Variants in PAXBP1 observed in about 807,000 individuals in gnomAD.
The protein encoded by PAXBP1 is PAX3- and PAX7-binding protein 1.
Under a neutral mutation model 119.9 loss-of-function variants are expected in PAXBP1, and 44 were observed. The ratio of observed to expected loss-of-function variants is 0.37; its 90% CI spans 0.29 to 0.47. PAXBP1 has a LOEUF of 0.47. Among genes scored for constraint, PAXBP1 ranks in the 20% least tolerant of loss-of-function variants. The probability of loss-of-function intolerance (pLI) is 0.99; values close to 1 mark genes in which losing one functional copy is unlikely to be tolerated. For missense variants in PAXBP1, 898 were observed against 1,134.1 expected (o/e 0.79, Z 2.99); for synonymous variants, 393 against 406.6 (o/e 0.97, Z 0.40).
At chr21:32,748,976 T>C (rs74800737) in intron 10 of PAXBP1, among the ~76,000 whole-genome samples, 271 of 152,322 alleles carry the variant, frequency 1.8e-3, no homozygotes, top group Middle Eastern at 6.8e-3. Context: ...CCAAACAAGA[T>C]GGTTCAAATT....
chr21:32,761,005 TA>T, intron 5 of PAXBP1, 53 bp downstream of exon 5: 1 of 1,481,360 alleles, frequency 6.8e-7, no homozygotes, highest in Non-Finnish European at 9.2e-7. Context: ...TTTAACAAAA[TA>T]AAAAAGGCTT....
chr21:32,771,547 T>C lies in PAXBP1; in HGVS notation c.122A>G (p.Glu41Gly). 2 of 1,401,158 alleles carry C rather than the reference T, an allele frequency of 1.4e-6. No homozygotes were observed. The highest frequency in any genetic ancestry group is 1.5e-5 in the South Asian group (1 of 67,172). 86.8% of individuals were successfully genotyped at this position (1,401,158 alleles called of 1,614,324 possible). A position where few individuals can be genotyped will look rare whatever the true frequency, so the allele number is the denominator to read the frequency against. ...CCTGTCGCCGCCACCGGGGCCCGCC[T>C]CTTCGCCCGTGCCCGGCGGCGGCAA... ...PLLPPPGTGEEAGPGGGDRAP... is the reference protein window; with the variant it reads ...PLLPPPGTGEGAGPGGGDRAP... The change falls in exon 1 of 18, where the codon GAG becomes GGG. Residue 41 changes from glutamate (E) to glycine (G), a missense_variant. Glu to Gly is a moderately conservative substitution (Grantham distance 98). Coordinates refer to ENST00000331923, the MANE Select transcript of PAXBP1 (RefSeq NM_016631.4).
chr21:32,742,521 G>A (rs2043802751), intron 15 of PAXBP1: 1 of 152,458 alleles, frequency 6.6e-6, no homozygotes, highest in Admixed American at 6.5e-5. Context: ...CAAGGTCTCT[G>A]TGCCCCTTGT....
At position 32,764,354 on chromosome 21, in the gene PAXBP1, G is replaced by C; in HGVS notation, c.643C>G (p.Arg215Gly). 4.3e-6 allele frequency: 7 copies of C among 1,613,604 alleles called. No homozygotes were observed. Among genetic ancestry groups the C allele is most frequent in the Non-Finnish European group, 5.9e-6 (7 of 1,179,802 alleles). Residue 215 changes from arginine to glycine, a missense_variant, in exon 3 of 18, where the codon CGT becomes GGT. This residue lies in a region of PAXBP1 where 599 missense variants were observed against 852.7 expected (regional missense o/e 0.70). Coordinates refer to ENST00000331923, the MANE Select transcript of PAXBP1 (RefSeq NM_016631.4). ...SNALSSLNVL[R>G]PGEIPDAAFI... ...AATACTTTTGAGTACACACCTGGAC[G>C]AAGAACATTCAATGAAGATAAAGCA...
At position 32,740,301 on chromosome 21, in the gene PAXBP1, T is replaced by C. The variant is rs185634519; in HGVS notation, c.2335-1982A>G. ...TCTCCACCTTTCTGGATGGAACTAATGTATTTCTTACATATTGATTGATGT... is the reference window on the plus strand; with the variant it reads ...TCTCCACCTTTCTGGATGGAACTAACGTATTTCTTACATATTGATTGATGT... On this transcript the variant is annotated intron_variant, in intron 15 of 17. Coordinates refer to ENST00000331923, the MANE Select transcript of PAXBP1 (RefSeq NM_016631.4). Among the ~76,000 whole-genome samples the C allele has an allele frequency of 8.6e-4, 131 of 152,360 alleles. 2 individuals carry two copies. Among genetic ancestry groups the C allele is most frequent in the Admixed American group, 8.0e-3 (123 of 15,304 alleles).
At chr21:32,739,873 G>A (rs1761468364) in intron 15 of PAXBP1, among the ~76,000 whole-genome samples, 1 of 138,742 alleles carries the variant, frequency 7.2e-6, no homozygotes, top group African/African-American at 2.7e-5. Context: ...GGGAGGCCAA[G>A]GAAGGAGGAC....
chr21:32,761,231 G>T, intron 4 of PAXBP1, 69 bp from the exon 5 acceptor site: 1 of 1,181,286 alleles, frequency 8.5e-7, no homozygotes, highest in Non-Finnish European at 1.3e-6. Context: ...ATGCTGTCCT[G>T]ACATTTCACA....
chr21:32,744,700 T>A (rs182456360), intron 13 of PAXBP1, 92 bp downstream of exon 13: 7 of 1,264,272 alleles, frequency 5.5e-6, no homozygotes, highest in African/African-American at 1.6e-5. Flanking sequence ...AGATTTCTGA[T>A]TGGTTTAGGA....
chr21:32,770,077 T>G (rs1238433119), intron 1 of PAXBP1, 135 bp from the exon 2 acceptor site: 3 of 639,594 alleles, frequency 4.7e-6, no homozygotes, highest in Non-Finnish European at 7.4e-6. Context: ...GTATAATTAT[T>G]TCAAGTCTGT....
chr21:32,769,327 T>G (rs967532909), intron 2 of PAXBP1, among the ~76,000 whole-genome samples: 1 of 152,090 alleles, frequency 6.6e-6, no homozygotes, highest in East Asian at 1.9e-4. Context: ...TTCTAAGGAG[T>G]CTTCATCTAG....
Position 32,766,569 on chromosome 21 carries a change from T to C in PAXBP1, c.473-2045A>G, listed in dbSNP as rs534612192. Among the ~76,000 whole-genome samples, 6 of 152,310 alleles carry C rather than the reference T, an allele frequency of 3.9e-5. No individual in the cohort carries two copies. The South Asian group carries it at 6.2e-4, about 16-fold the overall frequency. Reference sequence around the variant, plus strand: ...TTGACTCCATTGGTCCCTCTAGTTATTGCCTAGTCTCTCTCTGCCAAACTT... The same window carrying C: ...TTGACTCCATTGGTCCCTCTAGTTACTGCCTAGTCTCTCTCTGCCAAACTT... On this transcript the variant is annotated intron_variant, in intron 2 of 17. Transcript: ENST00000331923.
chr21:32,758,643 G>GT (rs2044082336), intron 7 of PAXBP1, among the ~76,000 whole-genome samples: 2 of 90,162 alleles, frequency 2.2e-5, no homozygotes, highest in South Asian at 3.5e-4. Flanking sequence ...ATCATCCAGG[G>GT]TAAAAAAAAA....
intron 6 of PAXBP1, 143 bp downstream of exon 6, chr21:32,759,634 A>G: frequency 1.3e-6 from 1 of 742,536 alleles, no homozygotes; most frequent in Non-Finnish European, 2.2e-6. Flanking sequence ...AGAACAAAGT[A>G]TGAAGTCATC....
chr21:32,764,400 C>T lies in PAXBP1; in HGVS notation c.597G>A (p.Lys199=). Residue 199 remains lysine (K), a synonymous_variant, in exon 3 of 18, where the codon AAG becomes AAA. Transcript: ENST00000331923. The part of the protein sequence containing the change: ...MESEKEEEKP[K]TGGAFSNALS... Reference sequence around the variant, plus strand: ...AAGCATTTGAAAAAGCTCCACCAGTCTTTGGCTTTTCTTCCTCTTTTTCAC... The same window carrying T: ...AAGCATTTGAAAAAGCTCCACCAGTTTTTGGCTTTTCTTCCTCTTTTTCAC... 1 of 1,613,846 alleles carries T rather than the reference C, an allele frequency of 6.2e-7. No individual in the cohort carries two copies. Among genetic ancestry groups the T allele is most frequent in the African/African-American group, 1.3e-5 (1 of 75,044 alleles).
At chr21:32,752,550 G>A (rs964520945) in intron 8 of PAXBP1, among the ~76,000 whole-genome samples, 2 of 152,164 alleles carry the variant, frequency 1.3e-5, no homozygotes, top group Non-Finnish European at 2.9e-5. Flanking sequence ...TATCAACAGA[G>A]ATGTGTCACC....
chr21:32,757,610 T>C (rs975851053), intron 7 of PAXBP1, among the ~76,000 whole-genome samples: 4 of 152,206 alleles, frequency 2.6e-5, no homozygotes, highest in African/African-American at 7.2e-5. Flanking sequence ...ATCTAGCTGA[T>C]CATATTACTG....
rs763524790 is a variant in PAXBP1, at chr21:32,771,396, C to T, written c.273G>A (p.Pro91=). Reference sequence around the variant, plus strand: ...CTTTGTTCTCGCGAGGCCTCTTGCGCGGCTTCAGCCCGTTGCCGGGCTCCG... The same window carrying T: ...CTTTGTTCTCGCGAGGCCTCTTGCGTGGCTTCAGCCCGTTGCCGGGCTCCG... ...GGAEPGNGLK[P]RKRPRENKEV... The change falls in exon 1 of 18, where the codon CCG becomes CCA. Residue 91 remains proline, a synonymous_variant. Coordinates refer to ENST00000331923, the MANE Select transcript of PAXBP1 (RefSeq NM_016631.4). 1.3e-6 allele frequency: 2 copies of T among 1,561,750 alleles called. No homozygotes were observed. The highest frequency in any genetic ancestry group is 1.7e-6 in the Non-Finnish European group (2 of 1,163,202).
intron 2 of PAXBP1, among the ~76,000 whole-genome samples, chr21:32,765,126 G>A (rs1273948123): frequency 1.3e-5 from 2 of 152,206 alleles, no homozygotes; most frequent in Non-Finnish European, 2.9e-5. Flanking sequence ...CAATGTTTAA[G>A]AGTGGACTTC....
chr21:32,751,330 T>A (rs762696720), intron 8 of PAXBP1, 112 bp from the exon 9 acceptor site: 4 of 913,654 alleles, frequency 4.4e-6, no homozygotes, highest in Non-Finnish European at 6.8e-6. Flanking sequence ...AACGGCAAGA[T>A]TCTGCAATAA....
Sources: allele counts gnomAD v4.1 joint callset (sites outside exome capture counted in the v4.1 genomes callset), GRCh38; gene constraint gnomAD v4.1.1; regional missense constraint gnomAD v4.1.1; transcripts MANE v1.5; gene names NCBI Gene and HGNC (gene_info 2026-07-23, HGNC 2026-07-21).